HPRT1: variants seen among roughly 807,000 people sequenced by gnomAD.
The protein encoded by HPRT1 is hypoxanthine-guanine phosphoribosyltransferase.
In HPRT1, 4 loss-of-function variants were observed where a neutral mutation model predicts 19.0. The ratio of observed to expected loss-of-function variants is 0.21; its 90% CI spans 0.10 to 0.48. The LOEUF (loss-of-function observed/expected upper bound fraction) is 0.48, where lower values mean the gene tolerates loss of function less well. Among genes scored for constraint, HPRT1 ranks in the 20% least tolerant of loss-of-function variants. HPRT1 has a pLI of 0.98. For missense variants in HPRT1, 65 were observed against 164.0 expected (o/e 0.40, Z 3.30); for synonymous variants, 53 against 54.9 (o/e 0.97, Z 0.15).
chrX:134,468,888 G>A (rs906593301), intron 1 of HPRT1, among the ~76,000 whole-genome samples: 9 of 110,629 alleles, frequency 8.1e-5, no homozygotes, highest in African/African-American at 2.0e-4. Context: ...ATTTAATTTC[G>A]TCTGATGATA....
intron 2 of HPRT1, among the ~76,000 whole-genome samples, chrX:134,474,774 TA>T (rs961826936): frequency 3.0e-4 from 34 of 111,636 alleles, no homozygotes; most frequent in Non-Finnish European, 5.8e-4. Context: ...TATTTGCATT[TA>T]AAAAAAATTA....
intron 3 of HPRT1, among the ~76,000 whole-genome samples, chrX:134,479,075 G>A (rs2077632560): frequency 8.9e-6 from 1 of 111,818 alleles, no homozygotes; most frequent in African/African-American, 3.2e-5. Context: ...GGCTGAGCAT[G>A]GTGGCTCACA....
At chrX:134,471,994 G>A (rs1157905754) in intron 1 of HPRT1, among the ~76,000 whole-genome samples, 1 of 110,458 alleles carries the variant, frequency 9.1e-6, no homozygotes, top group Non-Finnish European at 1.9e-5. Context: ...TTTTGAGATA[G>A]GGTCTTACTC....
intron 1 of HPRT1, among the ~76,000 whole-genome samples, chrX:134,463,252 A>G (rs1000869624): frequency 4.5e-5 from 5 of 111,793 alleles, no homozygotes; most frequent in Non-Finnish European, 9.4e-5. Flanking sequence ...GTAAACTTGG[A>G]CACACTTGAG....
At chrX:134,479,522 G>A (rs1349418954) in intron 3 of HPRT1, among the ~76,000 whole-genome samples, 2 of 111,935 alleles carry the variant, frequency 1.8e-5, no homozygotes, top group African/African-American at 3.2e-5. Context: ...CACCCGCCTC[G>A]GACTCCCAAA....
chrX:134,498,048 C>T (rs899790981), intron 6 of HPRT1, among the ~76,000 whole-genome samples: 4 of 112,398 alleles, frequency 3.6e-5, no homozygotes, highest in Non-Finnish European at 5.6e-5. Flanking sequence ...GACTGAGAGC[C>T]CTTTTCATCT....
intron 3 of HPRT1, among the ~76,000 whole-genome samples, chrX:134,485,815 G>A (rs1455970656): frequency 8.9e-6 from 1 of 111,858 alleles, no homozygotes; most frequent in Non-Finnish European, 1.9e-5. Context: ...CCAAATTATG[G>A]TCATTGTCAC....
intron 1 of HPRT1, 41 bp from the exon 2 acceptor site, chrX:134,473,318 C>A (rs1485761446): frequency 1.3e-6 from 1 of 786,275 alleles, no homozygotes; most frequent in Non-Finnish European, 2.0e-6. Flanking sequence ...ATGTTTGTAT[C>A]CTGTAATGCT....
At chrX:134,479,344 A>C (rs1466010585) in intron 3 of HPRT1, among the ~76,000 whole-genome samples, 4 of 109,839 alleles carry the variant, frequency 3.6e-5, no homozygotes, top group African/African-American at 6.6e-5. Flanking sequence ...ATCTCAGCTC[A>C]CTGCAACCTC....
At chrX:134,492,363 G>T (rs2077670032) in intron 5 of HPRT1, 1 of 194,110 alleles carries the variant, frequency 5.2e-6, no homozygotes, top group Non-Finnish European at 1.0e-5. Context: ...TTCATTCCCA[G>T]AAGTATGACA....
intron 1 of HPRT1, among the ~76,000 whole-genome samples, chrX:134,463,960 T>A (rs1384739443): frequency 3.6e-5 from 4 of 112,227 alleles, no homozygotes; most frequent in Non-Finnish European, 7.5e-5. Context: ...TTCAAATTGT[T>A]ATGGAACTAC....
chrX:134,483,253 T>G (rs767210820), intron 3 of HPRT1, among the ~76,000 whole-genome samples: 11 of 111,260 alleles, frequency 9.9e-5, no homozygotes, highest in Non-Finnish European at 1.3e-4. Context: ...TCCTGCCCAT[T>G]TATTATGCAT....
At chrX:134,480,910 A>G (rs193238618) in intron 3 of HPRT1, among the ~76,000 whole-genome samples, 24 of 107,355 alleles carry the variant, frequency 2.2e-4, no homozygotes, top group African/African-American at 7.4e-4. Context: ...GTTTAACATC[A>G]AAGATGCAAA....
chrX:134,463,420 G>C (rs2077589419), intron 1 of HPRT1, among the ~76,000 whole-genome samples: 1 of 111,487 alleles, frequency 9.0e-6, no homozygotes, highest in Non-Finnish European at 1.9e-5. Flanking sequence ...TGGTAAAACG[G>C]AGCACCTTTT....
chrX:134,474,569 G>A (rs762850986), intron 2 of HPRT1, among the ~76,000 whole-genome samples: 137 of 109,411 alleles, frequency 1.3e-3, no homozygotes, highest in African/African-American at 4.3e-3. Context: ...ATAGGTGTGC[G>A]CCACCACTCC....
chrX:134,475,833 CAA>C (rs1325988426), intron 3 of HPRT1, among the ~76,000 whole-genome samples: 6 of 111,407 alleles, frequency 5.4e-5, no homozygotes, highest in East Asian at 2.8e-4. Context: ...CAGGTATACT[CAA>C]GAGAGTAAGT....
At chrX:134,497,630 C>G (rs1386258280) in intron 6 of HPRT1, among the ~76,000 whole-genome samples, 1 of 103,149 alleles carries the variant, frequency 9.7e-6, no homozygotes, top group Non-Finnish European at 2.0e-5. Flanking sequence ...AAAACTCCAT[C>G]TCAAAAAAAA....
chrX:134,479,123 G>A (rs1346612230), intron 3 of HPRT1, among the ~76,000 whole-genome samples: 2 of 111,889 alleles, frequency 1.8e-5, no homozygotes, highest in Admixed American at 9.5e-5. Context: ...AAGACGGGAG[G>A]CTGGCTTGAA....
Position 134,500,234 on chromosome X carries a change from G to T in HPRT1, c.*157G>T, listed in dbSNP as rs2077692053. The T allele has an allele frequency of 2.1e-6, 1 of 484,315 alleles. No homozygotes were observed. The highest frequency in any genetic ancestry group is 3.2e-5 in the Admixed American group (1 of 31,281). The allele number at this position is 484,315 out of a possible 1,213,427, so 39.9% of individuals were successfully genotyped here. ...GTTTTGTACTTTAGAAATGTCAGTT[G>T]CTGCATTCCTAAACTGTTTATTTGC... On this transcript the variant is annotated 3_prime_UTR_variant, in exon 9 of 9. Coordinates refer to ENST00000298556, the MANE Select transcript of HPRT1 (RefSeq NM_000194.3).
Sources: gnomAD v4.1 joint callset for allele counts (sites outside exome capture counted in the v4.1 genomes callset) on GRCh38, gnomAD v4.1.1 for gene constraint, MANE v1.5 for transcripts, NCBI Gene and HGNC (gene_info 2026-07-23, HGNC 2026-07-21) for gene names.